LDHC: variants seen among roughly 807,000 people sequenced by gnomAD.
LDHC encodes the protein L-lactate dehydrogenase C chain.
A neutral mutation model predicts 30.2 loss-of-function variants in LDHC; 20 were observed. The observed-to-expected ratio is 0.66, with a 90% confidence interval of 0.47 to 0.96. The LOEUF is 0.96. Among genes scored for constraint, LDHC ranks in the 40% least tolerant of loss-of-function variants. The pLI, the probability that LDHC is intolerant of heterozygous loss-of-function variation, is 0.00. For synonymous variants in LDHC, 139 were observed against 132.7 expected, an observed-to-expected ratio of 1.05 and a Z score of -0.32; for missense variants, 362 against 394.9, an observed-to-expected ratio of 0.92 and a Z score of 0.71.
chr11:18,415,105 A>C, intron 2 of LDHC, 79 bp from the exon 3 acceptor site: 1 of 714,014 alleles, frequency 1.4e-6, no homozygotes, highest in East Asian at 2.6e-5. Flanking sequence ...TTTAATTATC[A>C]AGTAGCCACA....
At chr11:18,428,012 G>A (rs960167402) in intron 3 of LDHC, among the ~76,000 whole-genome samples, 8 of 151,826 alleles carry the variant, frequency 5.3e-5, no homozygotes, top group African/African-American at 1.9e-4. Flanking sequence ...TGCCTTTCTA[G>A]TTAAAATCTT....
chr11:18,443,875 C>G (rs1417548237), intron 6 of LDHC, among the ~76,000 whole-genome samples: 1 of 152,190 alleles, frequency 6.6e-6, no homozygotes, highest in African/African-American at 2.4e-5. Flanking sequence ...CAGATCAGTA[C>G]TTATCACTAT....
At chr11:18,431,077 G>A (rs1002704001) in intron 4 of LDHC, among the ~76,000 whole-genome samples, 1 of 151,472 alleles carries the variant, frequency 6.6e-6, no homozygotes, top group Non-Finnish European at 1.5e-5. Flanking sequence ...CTGTGGTTGT[G>A]CCACTGCACT....
chr11:18,422,934 G>T (rs1051953995), intron 3 of LDHC, among the ~76,000 whole-genome samples: 8 of 149,662 alleles, frequency 5.3e-5, no homozygotes, highest in Non-Finnish European at 1.2e-4. Flanking sequence ...GTGAGCTGAG[G>T]TTGCGCCATT....
At chr11:18,433,155 G>A (rs1421381272) in intron 4 of LDHC, among the ~76,000 whole-genome samples, 2 of 152,182 alleles carry the variant, frequency 1.3e-5, no homozygotes, top group Admixed American at 6.5e-5. Flanking sequence ...GGAGGCCAAG[G>A]TGGGCGGATC....
At chr11:18,446,359 A>G (rs1406914723) in intron 7 of LDHC, 26 bp downstream of exon 7, 2 of 1,538,770 alleles carry the variant, frequency 1.3e-6, no homozygotes, top group Non-Finnish European at 1.8e-6. Flanking sequence ...ATCTTCATTT[A>G]TCATTCTTTC....
intron 3 of LDHC, among the ~76,000 whole-genome samples, chr11:18,424,834 CCT>C (rs1848132731): frequency 6.6e-6 from 1 of 152,126 alleles, no homozygotes; most frequent in Non-Finnish European, 1.5e-5. Context: ...ATGGCGAAAC[CCT>C]GTCTCTACTA....
At chr11:18,420,641 TAAAAAAAAA>T (rs11321502) in intron 3 of LDHC, among the ~76,000 whole-genome samples, 2 of 72,354 alleles carry the variant, frequency 2.8e-5, no homozygotes, top group Non-Finnish European at 5.0e-5. Context: ...TCTTGTCTCT[TAAAAAAAAA>T]AAAAAAAAAA....
At chr11:18,412,540 C>G (rs762284011) in intron 1 of LDHC, 132 bp downstream of exon 1, 1 of 574,292 alleles carries the variant, frequency 1.7e-6, no homozygotes, top group Non-Finnish European at 3.0e-6. Context: ...CCCCAGCCCT[C>G]CCATTGCCTG....
intron 5 of LDHC, among the ~76,000 whole-genome samples, chr11:18,437,169 A>G (rs921579898): frequency 7.2e-5 from 11 of 152,172 alleles, no homozygotes; most frequent in Admixed American, 7.2e-4. Context: ...CTTGTTTACT[A>G]TTGAGAAGTA....
chr11:18,436,732 C>T (rs111478927), intron 5 of LDHC, among the ~76,000 whole-genome samples: 2,024 of 152,046 alleles, frequency 0.013, 47 homozygotes, highest in African/African-American at 0.046. Flanking sequence ...GTGATCCACC[C>T]GCCACAGCCT....
chr11:18,444,962 A>G (rs1158064932), intron 6 of LDHC, among the ~76,000 whole-genome samples: 1 of 152,066 alleles, frequency 6.6e-6, no homozygotes, highest in African/African-American at 2.4e-5. Context: ...AATAATCACT[A>G]TTAATAACTT....
At chr11:18,424,157 G>A (rs905292052) in intron 3 of LDHC, among the ~76,000 whole-genome samples, 3 of 151,542 alleles carry the variant, frequency 2.0e-5, no homozygotes, top group Non-Finnish European at 4.4e-5. Flanking sequence ...GCTGAGGTGG[G>A]CGGATCACGA....
In LDHC at chr11:18,412,800, C is replaced by T. The variant is rs769632709; in HGVS notation, c.83C>T (p.Thr28Ile). Residue 28 changes from threonine to isoleucine, a missense_variant, in exon 2 of 8, where the codon ACT becomes ATT. Thr to Ile is a moderately conservative substitution (Grantham distance 89). Coordinates refer to ENST00000541669, the MANE Select transcript of LDHC (RefSeq NM_017448.5). ...NSQCKITIVG[T>I]GAVGMACAIS... ...CAGTGTAAAATTACTATTGTTGGAACTGGTGCCGTAGGCATGGCTTGTGCT... is the reference window on the plus strand; with the variant it reads ...CAGTGTAAAATTACTATTGTTGGAATTGGTGCCGTAGGCATGGCTTGTGCT... 2.5e-6 allele frequency: 4 copies of T among 1,613,926 alleles called. No homozygotes were observed. The highest frequency in any genetic ancestry group is 1.1e-5 in the South Asian group (1 of 91,068).
chr11:18,436,485 T>G lies in LDHC; in HGVS notation c.592+1572T>G, dbSNP rs1236476390. Among the ~76,000 whole-genome samples, 218 of 145,230 alleles carry G rather than the reference T, an allele frequency of 1.5e-3. 1 individual carries two copies. Among genetic ancestry groups the G allele is most frequent in the African/African-American group, 5.0e-3 (198 of 39,724 alleles). ...TCTCCTTTGGGATAATACAAAGTTTTTTTTTTTTTTTTTTTTTTGAGACAG... is the reference window on the plus strand; with the variant it reads ...TCTCCTTTGGGATAATACAAAGTTTGTTTTTTTTTTTTTTTTTTGAGACAG... On this transcript the variant is annotated intron_variant, in intron 5 of 7. Transcript: ENST00000541669.
chr11:18,429,724 G>A lies in LDHC; in HGVS notation c.245-13G>A. On this transcript the variant is annotated splice_polypyrimidine_tract_variant and intron_variant, in intron 3 of 7. Coordinates refer to ENST00000541669, the MANE Select transcript of LDHC (RefSeq NM_017448.5). ...AATGTTGATCCAAATATAGTATTTT[G>A]TTTCCTTTTTAGATTACAGTGTATC... 1 of 1,544,242 alleles carries A rather than the reference G, an allele frequency of 6.5e-7. No individual in the cohort carries two copies. The highest frequency in any genetic ancestry group is 8.9e-7 in the Non-Finnish European group (1 of 1,123,574).
At chr11:18,433,931 G>C (rs1848312338) in intron 4 of LDHC, among the ~76,000 whole-genome samples, 2 of 152,250 alleles carry the variant, frequency 1.3e-5, no homozygotes, top group South Asian at 4.1e-4. Context: ...TCTTCCTCAG[G>C]AACACCGATT....
chr11:18,449,078 A>C (rs1452035534), intron 7 of LDHC, among the ~76,000 whole-genome samples: 1 of 151,812 alleles, frequency 6.6e-6, no homozygotes, highest in Admixed American at 6.6e-5. Context: ...AGGTAAAGGG[A>C]AACAAATTCT....
intron 2 of LDHC, among the ~76,000 whole-genome samples, chr11:18,413,871 C>T (rs1262149398): frequency 6.6e-6 from 1 of 151,990 alleles, no homozygotes; most frequent in Admixed American, 6.6e-5. Flanking sequence ...TCACATGTGA[C>T]AAAAACCCAG....
Sources: allele counts gnomAD v4.1 joint callset (sites outside exome capture counted in the v4.1 genomes callset), GRCh38; gene constraint gnomAD v4.1.1; transcripts MANE v1.5; gene names NCBI Gene and HGNC (gene_info 2026-07-23, HGNC 2026-07-21).